Variants in HK2 observed in about 807,000 individuals in gnomAD.
HK2 encodes the protein hexokinase 2, also known as hexokinase-2.
HK2 carries 42 observed loss-of-function variants against 92.9 expected under a neutral mutation model. That is an observed-to-expected ratio of 0.45 (90% CI 0.35 to 0.58). The LOEUF is 0.58. HK2 is among the 20% of genes least tolerant of loss of function. The pLI is 0.00. For missense variants in HK2, 978 were observed against 1,245.1 expected, an observed-to-expected ratio of 0.79 and a Z score of 3.23; for synonymous variants, 422 against 468.0, an observed-to-expected ratio of 0.90 and a Z score of 1.27.
At chr2:74,871,364 A>G (rs955436552) in intron 3 of HK2, among the ~76,000 whole-genome samples, 3 of 152,280 alleles carry the variant, frequency 2.0e-5, no homozygotes, top group African/African-American at 7.2e-5. Context: ...CACGTAGTCA[A>G]CCTGGCCCTT....
At chr2:74,868,345 G>A (rs971090612) in intron 3 of HK2, among the ~76,000 whole-genome samples, 1 of 152,024 alleles carries the variant, frequency 6.6e-6, no homozygotes, top group African/African-American at 2.4e-5. Flanking sequence ...AGAGGGTAGC[G>A]GCCCTTCCAC....
chr2:74,874,400 G>A lies in HK2; in HGVS notation c.826G>A (p.Glu276Lys). Residue 276 changes from glutamate (E) to lysine (K), a missense_variant, in exon 7 of 18, where the codon GAG becomes AAG. Transcript: ENST00000290573. ...TGGCTCGCTCAACGACATTCGCACT[G>A]AGTTTGACCAGGAGATTGACATGGG... Reference protein sequence around the residue: ...DDGSLNDIRTEFDQEIDMGSL... With the variant: ...DDGSLNDIRTKFDQEIDMGSL... 6.2e-7 allele frequency: 1 copy of A among 1,612,716 alleles called. No homozygotes were observed. Among genetic ancestry groups the A allele is most frequent in the Non-Finnish European group, 8.5e-7 (1 of 1,179,214 alleles).
At chr2:74,841,577 C>T (rs980696504) in intron 1 of HK2, among the ~76,000 whole-genome samples, 5 of 152,048 alleles carry the variant, frequency 3.3e-5, no homozygotes, top group Non-Finnish European at 5.9e-5. Context: ...GTCTTGTGAC[C>T]GTCATGGTGG....
chr2:74,872,973 A>C (rs1366441770), intron 4 of HK2, among the ~76,000 whole-genome samples: 1 of 152,230 alleles, frequency 6.6e-6, no homozygotes, highest in Non-Finnish European at 1.5e-5. Flanking sequence ...CAATTGTAAC[A>C]CAGTGATATC....
intron 7 of HK2, 84 bp from the exon 8 acceptor site, chr2:74,877,082 C>G (rs750828308): frequency 1.3e-6 from 2 of 1,553,882 alleles, no homozygotes; most frequent in South Asian, 2.2e-5. Flanking sequence ...TGAAGTTGCA[C>G]GTGTGCGCAT....
At chr2:74,851,223 G>T (rs1473251035) in intron 1 of HK2, among the ~76,000 whole-genome samples, 4 of 152,210 alleles carry the variant, frequency 2.6e-5, no homozygotes, top group African/African-American at 9.7e-5. Flanking sequence ...TTACCCAAGT[G>T]ATCTATAAAA....
At position 74,834,733 on chromosome 2, in the gene HK2, T is replaced by C; in HGVS notation, c.63+90T>C. 2.1e-6 allele frequency: 3 copies of C among 1,436,194 alleles called. No homozygotes were observed. The highest frequency in any genetic ancestry group is 2.9e-6 in the Non-Finnish European group (3 of 1,019,804). The allele number at this position is 1,436,194 out of a possible 1,614,324, so 89.0% of individuals were successfully genotyped here. A position where few individuals can be genotyped will look rare whatever the true frequency, so the allele number is the denominator to read the frequency against. ...CTTCCTCGACCCTGCGGGGACCCGC[T>C]TCCTCCCTACTCCGGGCCTGGGAGC... On this transcript the variant is annotated intron_variant, in intron 1 of 17. Transcript: ENST00000290573. This position sits in a 1 kb window ranked among gnomAD's most constrained non-coding sequence, Gnocchi z 4.2.
intron 1 of HK2, among the ~76,000 whole-genome samples, chr2:74,843,259 C>T (rs1688359361): frequency 6.6e-6 from 1 of 152,110 alleles, no homozygotes; most frequent in African/African-American, 2.4e-5. Flanking sequence ...TATACAGACC[C>T]TGGGCTGTTG....
At chr2:74,878,625 C>T (rs537635120) in intron 8 of HK2, 63 bp from the exon 9 acceptor site, 55 of 1,339,836 alleles carry the variant, frequency 4.1e-5, no homozygotes, top group East Asian at 1.7e-4. Flanking sequence ...TGCCACCCCC[C>T]GACACACACA....
chr2:74,881,434 C>T (rs1045306334), intron 10 of HK2, among the ~76,000 whole-genome samples: 6 of 152,322 alleles, frequency 3.9e-5, no homozygotes, highest in East Asian at 1.9e-4. Flanking sequence ...AATGCAGTGT[C>T]TCCCTCACAG....
At chr2:74,872,745 T>C (rs13384240) in intron 4 of HK2, among the ~76,000 whole-genome samples, 29,512 of 152,134 alleles carry the variant, frequency 0.19, 2,948 homozygotes, top group African/African-American at 0.22. Flanking sequence ...GGAGAGTTAA[T>C]GATGTAAGGA....
intron 1 of HK2, among the ~76,000 whole-genome samples, chr2:74,847,270 A>C (rs1372138379): frequency 6.6e-6 from 1 of 152,168 alleles, no homozygotes; most frequent in Admixed American, 6.5e-5. Context: ...ACATTTGCTT[A>C]TTCATGTATT....
rs1182042559 is a variant in HK2, at chr2:74,886,679, C to T, written c.2219+6C>T. ...CTCAACCCCGGCAAGCAGAGGTAGGCACCCAACTGGGGCCCTGTTAAGTGT... is the reference window on the plus strand; with the variant it reads ...CTCAACCCCGGCAAGCAGAGGTAGGTACCCAACTGGGGCCCTGTTAAGTGT... On this transcript the variant is annotated splice_donor_region_variant and intron_variant, in intron 15 of 17. Coordinates refer to ENST00000290573, the MANE Select transcript of HK2 (RefSeq NM_000189.5). 1.2e-6 allele frequency: 2 copies of T among 1,613,628 alleles called. No homozygotes were observed. The highest frequency in any genetic ancestry group is 2.7e-5 in the African/African-American group (2 of 74,858).
chr2:74,870,518 A>G (rs1012520453), intron 3 of HK2, among the ~76,000 whole-genome samples: 46 of 129,574 alleles, frequency 3.6e-4, no homozygotes, highest in Middle Eastern at 4.4e-3. Flanking sequence ...GTCTTTGATG[A>G]TTGGCCTTAT....
rs993024507 is a variant in HK2, at chr2:74,834,768, T to C, written c.63+125T>C. On this transcript the variant is annotated intron_variant, in intron 1 of 17. Coordinates refer to ENST00000290573, the MANE Select transcript of HK2 (RefSeq NM_000189.5). This position sits in a 1 kb window ranked among gnomAD's most constrained non-coding sequence, Gnocchi z 4.2. ...CTCCGGGCCTGGGAGCGGAAAAAGT[T>C]TGGGCAGCCGGGACACTCCTGGGCG... 9 of 1,067,914 alleles carry C rather than the reference T, an allele frequency of 8.4e-6. No homozygotes were observed. Among genetic ancestry groups the C allele is most frequent in the Middle Eastern group, 2.3e-4 (1 of 4,398 alleles). The allele number at this position is 1,067,914 out of a possible 1,614,324, so 66.2% of individuals were successfully genotyped here. A position where few individuals can be genotyped will look rare whatever the true frequency, so the allele number is the denominator to read the frequency against.
chr2:74,876,659 C>T (rs1465639530), intron 7 of HK2, among the ~76,000 whole-genome samples: 5 of 152,178 alleles, frequency 3.3e-5, no homozygotes, highest in Admixed American at 3.3e-4. Flanking sequence ...CCCATCATCC[C>T]CTGCCCCAGG....
In HK2 at chr2:74,891,175, C is replaced by T. The variant is rs1689669270; in HGVS notation, c.*234C>T. On this transcript the variant is annotated 3_prime_UTR_variant, in exon 18 of 18. Transcript: ENST00000290573. Reference sequence around the variant, plus strand: ...TTTGTTCACATGCATCATAACCATTCCCATTGGTTCTCCTAAAACATGAAA... The same window carrying T: ...TTTGTTCACATGCATCATAACCATTTCCATTGGTTCTCCTAAAACATGAAA... 5.5e-6 allele frequency: 3 copies of T among 550,328 alleles called. No homozygotes were observed. The Admixed American group carries it at 9.3e-5, about 17-fold the overall frequency. 34.1% of individuals were successfully genotyped at this position (550,328 alleles called of 1,614,324 possible). A position where few individuals can be genotyped will look rare whatever the true frequency, so the allele number is the denominator to read the frequency against.
At chr2:74,855,279 C>T (rs758116252) in intron 2 of HK2, among the ~76,000 whole-genome samples, 5 of 152,306 alleles carry the variant, frequency 3.3e-5, no homozygotes, top group Admixed American at 1.3e-4. Flanking sequence ...ACAGCTACCG[C>T]GCCCGCTGCC....
chr2:74,853,579 T>C (rs1688622170), intron 1 of HK2, among the ~76,000 whole-genome samples: 1 of 150,662 alleles, frequency 6.6e-6, no homozygotes, highest in Non-Finnish European at 1.5e-5. Flanking sequence ...TAGCCAGACA[T>C]GGTGGCACGT....
Sources: gnomAD v4.1 joint callset for allele counts (sites outside exome capture counted in the v4.1 genomes callset) on GRCh38, gnomAD v4.1.1 for gene constraint, Gnocchi (gnomAD v3.1) non-coding constraint, MANE v1.5 for transcripts, NCBI Gene and HGNC (gene_info 2026-07-23, HGNC 2026-07-21) for gene names.